Variants in ERG observed in about 807,000 individuals in gnomAD.
ERG encodes the protein ETS transcription factor ERG, also known as transcriptional regulator ERG.
In ERG, 9 loss-of-function variants were observed where a neutral mutation model predicts 55.3. The ratio of observed to expected loss-of-function variants is 0.16; its 90% CI spans 0.10 to 0.28. The LOEUF (loss-of-function observed/expected upper bound fraction) is 0.28. Among genes scored for constraint, ERG ranks in the 10% least tolerant of loss-of-function variants. ERG has a pLI of 1.00. For synonymous variants in ERG, 223 were observed against 237.3 expected, an observed-to-expected ratio of 0.94 and a Z score of 0.55; for missense variants, 434 against 631.6, an observed-to-expected ratio of 0.69 and a Z score of 3.35.
intron 3 of ERG, among the ~76,000 whole-genome samples, chr21:38,408,609 G>A (rs1988888626): frequency 2.0e-5 from 3 of 152,190 alleles, no homozygotes; most frequent in African/African-American, 4.8e-5. Context: ...AGTGCACTGG[G>A]TCCAGGCTGT....
chr21:38,382,593 A>C lies in ERG; in HGVS notation c.*810T>G. The C allele has an allele frequency of 9.4e-7, 1 of 1,066,074 alleles. No individual in the cohort carries two copies. Among genetic ancestry groups the C allele is most frequent in the Non-Finnish European group, 1.1e-6 (1 of 879,552 alleles). 66.0% of individuals were successfully genotyped at this position (1,066,074 alleles called of 1,614,324 possible). A position where few individuals can be genotyped will look rare whatever the true frequency, so the allele number is the denominator to read the frequency against. On this transcript the variant is annotated 3_prime_UTR_variant, in exon 10 of 10. Coordinates refer to ENST00000288319, the MANE Select transcript of ERG (RefSeq NM_182918.4). ...CTGCATGAACCCTCGAGTCTCCATAACTCATTGTACACAGTCCCCAAATGT... is the reference window on the plus strand; with the variant it reads ...CTGCATGAACCCTCGAGTCTCCATACCTCATTGTACACAGTCCCCAAATGT...
At chr21:38,538,362 A>G (rs1157671508) in intron 2 of ERG, among the ~76,000 whole-genome samples, 3 of 152,194 alleles carry the variant, frequency 2.0e-5, no homozygotes, top group Non-Finnish European at 4.4e-5. Context: ...AGTCATAAAA[A>G]TCAAACATGG....
intron 1 of ERG, among the ~76,000 whole-genome samples, chr21:38,654,602 T>C (rs538926774): frequency 6.6e-6 from 1 of 152,348 alleles, no homozygotes; most frequent in African/African-American, 2.4e-5. Flanking sequence ...ACTAATAATA[T>C]GCTGATCTAA....
At chr21:38,392,478 T>A (rs1468867896) in intron 6 of ERG, 34 bp from the exon 7 acceptor site, 3 of 1,382,368 alleles carry the variant, frequency 2.2e-6, no homozygotes, top group South Asian at 3.0e-5. Flanking sequence ...AAAAGATCAA[T>A]CATGTAATTT....
chr21:38,441,985 A>C (rs12329907), intron 2 of ERG, among the ~76,000 whole-genome samples: 18,260 of 152,272 alleles, frequency 0.12, 1,364 homozygotes, highest in African/African-American at 0.2. Context: ...CCACCCACCA[A>C]AACACATCAC....
At chr21:38,445,370 G>T in intron 2 of ERG, 34 bp downstream of exon 2, 2 of 1,544,590 alleles carry the variant, frequency 1.3e-6, no homozygotes, top group Non-Finnish European at 1.8e-6. Flanking sequence ...GAAAATGGGA[G>T]GTCAGGGAGA....
At chr21:38,581,181 G>C (rs962571618) in intron 1 of ERG, among the ~76,000 whole-genome samples, 1 of 152,210 alleles carries the variant, frequency 6.6e-6, no homozygotes, top group African/African-American at 2.4e-5. Flanking sequence ...GTTCAGCTGG[G>C]GAGGGCAGGA....
Position 38,498,289 on chromosome 21 carries a change from C to T in ERG, c.18+74G>A, listed in dbSNP as rs1054952234. 5.2e-6 allele frequency: 7 copies of T among 1,356,436 alleles called. No individual in the cohort carries two copies. The highest frequency in any genetic ancestry group is 4.3e-5 in the African/African-American group (3 of 69,076). 84.0% of individuals were successfully genotyped at this position (1,356,436 alleles called of 1,614,324 possible). On this transcript the variant is annotated intron_variant, in intron 1 of 9. Transcript: ENST00000288319. This position sits in a 1 kb window ranked among gnomAD's most constrained non-coding sequence, Gnocchi z 4.6. ...GTGTTGCCCAACCCTAACTTATCTG[C>T]CTTGATAAAGGAAACCAAAGAAAAG...
Position 38,398,125 on chromosome 21 carries a change from A to G in ERG, c.745+2449T>C, listed in dbSNP as rs368154785. Among the ~76,000 whole-genome samples, 8 of 152,294 alleles carry G rather than the reference A, an allele frequency of 5.3e-5. No homozygotes were observed. The East Asian group carries it at 7.7e-4, about 15-fold the overall frequency. ...TCAGGTACCCACTGACCACAGGGAT[A>G]TCGTCAGATTCCCAGTGACCTCCCT... On this transcript the variant is annotated intron_variant, in intron 6 of 9. Coordinates refer to ENST00000288319, the MANE Select transcript of ERG (RefSeq NM_182918.4).
intron 4 of ERG, among the ~76,000 whole-genome samples, chr21:38,403,061 T>C (rs532782502): frequency 6.6e-6 from 1 of 152,334 alleles, no homozygotes; most frequent in South Asian, 2.1e-4. Context: ...AAACTTCCCT[T>C]GTTCTGTGCT....
chr21:38,524,318 T>C (rs994140745), intron 2 of ERG, among the ~76,000 whole-genome samples: 2 of 152,198 alleles, frequency 1.3e-5, no homozygotes, highest in Non-Finnish European at 2.9e-5. Context: ...AAGAATAAAT[T>C]CAAATCTGTC....
intron 2 of ERG, among the ~76,000 whole-genome samples, chr21:38,425,955 A>G (rs937887102): frequency 2.0e-5 from 3 of 152,242 alleles, no homozygotes; most frequent in Non-Finnish European, 4.4e-5. Context: ...TTGAAAATAT[A>G]GGTTTGTTCT....
At chr21:38,446,098 C>T (rs577916335) in intron 1 of ERG, among the ~76,000 whole-genome samples, 84 of 152,040 alleles carry the variant, frequency 5.5e-4, no homozygotes, top group African/African-American at 2.0e-3. Context: ...TAGAGGAAGA[C>T]AGAGGGATCA....
chr21:38,481,213 G>A lies in ERG; in HGVS notation c.18+17150C>T, dbSNP rs375398383. ...AAAAACTAGATTATAGTTCTTCTAG[G>A]AGAGGAACCAAGTCAGATTTCTTTT... On this transcript the variant is annotated intron_variant, in intron 1 of 9. Transcript: ENST00000288319. 7.2e-5 allele frequency among the ~76,000 whole-genome samples: 11 copies of A among 152,254 alleles called. No individual in the cohort carries two copies. In the East Asian group the frequency reaches 7.7e-4, roughly 11 times the overall value.
At chr21:38,448,070 T>C (rs1048279194) in intron 1 of ERG, among the ~76,000 whole-genome samples, 8 of 152,120 alleles carry the variant, frequency 5.3e-5, no homozygotes, top group African/African-American at 1.7e-4. Flanking sequence ...CACAAAAATG[T>C]AGTGTAAGTT....
At chr21:38,403,190 A>G (rs558506849) in intron 4 of ERG, among the ~76,000 whole-genome samples, 1 of 152,196 alleles carries the variant, frequency 6.6e-6, no homozygotes, top group South Asian at 2.1e-4. Flanking sequence ...AGACTTAACT[A>G]ATGTGTGACC....
intron 2 of ERG, among the ~76,000 whole-genome samples, chr21:38,432,123 C>G (rs1990241439): frequency 6.6e-6 from 1 of 152,190 alleles, no homozygotes; most frequent in Admixed American, 6.5e-5. Flanking sequence ...GAGACAGGGT[C>G]TTGCTCTGTC....
At position 38,429,463 on chromosome 21, in the gene ERG, A is replaced by G. The variant is rs1205506804; in HGVS notation, c.237-5902T>C. ...TATACACGTGTACACATGTACATAT[A>G]CACATATGTGTATATACATGTATGC... is the stretch of plus-strand genomic sequence containing the variant. On this transcript the variant is annotated intron_variant, in intron 2 of 9. Coordinates refer to ENST00000288319, the MANE Select transcript of ERG (RefSeq NM_182918.4). Among the ~76,000 whole-genome samples the G allele has an allele frequency of 3.4e-5, 5 of 148,714 alleles. 2 individuals are homozygous for G. The highest frequency in any genetic ancestry group is 1.2e-4 in the African/African-American group (5 of 40,124).
At chr21:38,517,284 A>G (rs147209929) in intron 2 of ERG, among the ~76,000 whole-genome samples, 25 of 152,214 alleles carry the variant, frequency 1.6e-4, no homozygotes, top group Non-Finnish European at 2.5e-4. Context: ...AAACTTTTAC[A>G]AAGTGGGCAA....
Sources: gnomAD v4.1 joint callset for allele counts (sites outside exome capture counted in the v4.1 genomes callset) on GRCh38, gnomAD v4.1.1 for gene constraint, Gnocchi (gnomAD v3.1) non-coding constraint, MANE v1.5 for transcripts, NCBI Gene and HGNC (gene_info 2026-07-23, HGNC 2026-07-21) for gene names.